The following UBTD2 variants were observed in gnomAD, a reference collection of about 807,000 sequenced individuals.
UBTD2 encodes the protein ubiquitin domain containing 2, also known as ubiquitin domain-containing protein 2.
Under a neutral mutation model 19.8 loss-of-function variants are expected in UBTD2, and 9 were observed. The ratio of observed to expected loss-of-function variants is 0.46; its 90% CI spans 0.27 to 0.79. UBTD2 has a LOEUF of 0.79. UBTD2 is among the 30% of genes least tolerant of loss of function. The pLI is 0.14. For missense variants in UBTD2, 250 were observed against 300.4 expected (o/e 0.83, Z 1.24); for synonymous variants, 98 against 103.9 (o/e 0.94, Z 0.35).
chr5:172,221,771 T>A (rs1396878633), intron 2 of UBTD2, among the ~76,000 whole-genome samples: 1 of 152,190 alleles, frequency 6.6e-6, no homozygotes, highest in Non-Finnish European at 1.5e-5. Context: ...ATACTATTAA[T>A]GATGGATACA....
intron 1 of UBTD2, among the ~76,000 whole-genome samples, chr5:172,277,329 G>A (rs189024777): frequency 6.1e-4 from 93 of 152,188 alleles, no homozygotes; most frequent in Non-Finnish European, 6.6e-4. Flanking sequence ...GTATACATCA[G>A]TGAAAGGTTA....
chr5:172,234,051 C>T (rs764845321), intron 2 of UBTD2, 71 bp downstream of exon 2: 1 of 1,480,432 alleles, frequency 6.8e-7, no homozygotes, highest in Non-Finnish European at 9.4e-7. Context: ...AAACACTCTC[C>T]CATTTGGTTT....
intron 1 of UBTD2, among the ~76,000 whole-genome samples, chr5:172,258,405 T>C (rs927206279): frequency 2.0e-5 from 3 of 152,232 alleles, no homozygotes; most frequent in African/African-American, 4.8e-5. Flanking sequence ...TGAAGTATAG[T>C]TGAGGTCAGG....
At chr5:172,276,071 T>C (rs1386351358) in intron 1 of UBTD2, among the ~76,000 whole-genome samples, 1 of 152,170 alleles carries the variant, frequency 6.6e-6, no homozygotes, top group Non-Finnish European at 1.5e-5. Context: ...TTGAGAATCT[T>C]GTGAAAATGC....
upstream of UBTD2, chr5:172,283,766 G>A (rs1403777552): frequency 4.8e-6 from 4 of 839,828 alleles, no homozygotes; most frequent in African/African-American, 7.3e-5. This position sits in a 1 kb window ranked among gnomAD's most constrained non-coding sequence, Gnocchi z 4.3. Flanking sequence ...GCTCCGGACA[G>A]GCGCGCCGCT....
chr5:172,261,063 C>G (rs1755259310), intron 1 of UBTD2, among the ~76,000 whole-genome samples: 1 of 152,178 alleles, frequency 6.6e-6, no homozygotes, highest in Non-Finnish European at 1.5e-5. Flanking sequence ...GGGTGACTAT[C>G]AGAAAACGTA....
intron 1 of UBTD2, among the ~76,000 whole-genome samples, chr5:172,260,988 C>T (rs559225619): frequency 4.7e-4 from 72 of 152,304 alleles, no homozygotes; most frequent in African/African-American, 1.6e-3. Flanking sequence ...TGATCAAAGC[C>T]TTAAAAGCTC....
intron 1 of UBTD2, among the ~76,000 whole-genome samples, chr5:172,238,338 C>G (rs991523236): frequency 6.6e-6 from 1 of 152,164 alleles, no homozygotes; most frequent in African/African-American, 2.4e-5. Flanking sequence ...GCTTCTCTAT[C>G]CTTAAACTGC....
Position 172,283,732 on chromosome 5 carries a change from A to T in UBTD2, c.-67T>A. ...CCGGGCCCGCCGCCGCCGCCGCTGC[A>T]GCCTCCTCCGGCGCCACCGCCGAGC... On this transcript the variant is annotated 5_prime_UTR_variant, in exon 1 of 3. Transcript: ENST00000393792. This position sits in a 1 kb window ranked among gnomAD's most constrained non-coding sequence, Gnocchi z 4.3. 1 of 1,127,202 alleles carries T rather than the reference A, an allele frequency of 8.9e-7. No homozygotes were observed. The highest frequency in any genetic ancestry group is 1.1e-6 in the Non-Finnish European group (1 of 908,268). 69.8% of individuals were successfully genotyped at this position (1,127,202 alleles called of 1,614,324 possible).
chr5:172,245,846 AAAG>A (rs1754869458), intron 1 of UBTD2, among the ~76,000 whole-genome samples: 1 of 152,240 alleles, frequency 6.6e-6, no homozygotes, highest in Admixed American at 6.5e-5. Context: ...ACTAGCAACA[AAAG>A]GAGAGGCAGA....
chr5:172,227,796 T>G (rs1771801389), intron 2 of UBTD2, among the ~76,000 whole-genome samples: 1 of 141,374 alleles, frequency 7.1e-6, no homozygotes, highest in African/African-American at 2.6e-5. Context: ...TTCTCCTGCC[T>G]CAGCCTCCCG....
intron 1 of UBTD2, among the ~76,000 whole-genome samples, chr5:172,280,530 C>T (rs6882051): frequency 1.7e-5 from 2 of 117,128 alleles, no homozygotes. Context: ...AAAAAAAAAA[C>T]CAGCCTAACT....
At chr5:172,249,401 GAAAAAAAAAAA>G (rs756803780) in intron 1 of UBTD2, among the ~76,000 whole-genome samples, 12 of 63,306 alleles carry the variant, frequency 1.9e-4, no homozygotes, top group African/African-American at 7.1e-4. Flanking sequence ...TCCGTCTCAT[GAAAAAAAAAAA>G]AAAAAAAAAA....
At chr5:172,273,084 CA>C (rs35488668) in intron 1 of UBTD2, among the ~76,000 whole-genome samples, 16 of 105,892 alleles carry the variant, frequency 1.5e-4, no homozygotes, top group Admixed American at 1.0e-4. Context: ...CTCTCCGTCT[CA>C]AAAAAAAAAA....
intron 1 of UBTD2, among the ~76,000 whole-genome samples, chr5:172,248,938 G>A (rs1054804103): frequency 2.1e-5 from 3 of 143,188 alleles, no homozygotes; most frequent in Non-Finnish European, 4.5e-5. Context: ...GGCCTGTCTT[G>A]GGGGGGAAGA....
At chr5:172,270,350 A>ATTTTTTTTTTTT (rs758440849) in intron 1 of UBTD2, among the ~76,000 whole-genome samples, 1 of 98,752 alleles carries the variant, frequency 1.0e-5, no homozygotes, top group Non-Finnish European at 1.9e-5. Context: ...GAATTTTAGA[A>ATTTTTTTTTTTT]TTTTTTTTTT....
At chr5:172,279,325 T>C (rs536474065) in intron 1 of UBTD2, among the ~76,000 whole-genome samples, 2 of 152,224 alleles carry the variant, frequency 1.3e-5, no homozygotes, top group Non-Finnish European at 2.9e-5. Flanking sequence ...AGAGATACTA[T>C]CCACCTCATA....
intron 1 of UBTD2, among the ~76,000 whole-genome samples, chr5:172,271,460 T>C (rs1171719447): frequency 6.6e-6 from 1 of 151,610 alleles, no homozygotes; most frequent in Non-Finnish European, 1.5e-5. Flanking sequence ...GACCAACTTC[T>C]TGTATCACTG....
At chr5:172,265,767 G>C (rs1479535081) in intron 1 of UBTD2, among the ~76,000 whole-genome samples, 2 of 152,122 alleles carry the variant, frequency 1.3e-5, no homozygotes, top group Admixed American at 6.5e-5. Flanking sequence ...ATATAGTAAA[G>C]AACAAATCAG....
Sources: allele counts gnomAD v4.1 joint callset (sites outside exome capture counted in the v4.1 genomes callset), GRCh38; gene constraint gnomAD v4.1.1; non-coding constraint Gnocchi (gnomAD v3.1); transcripts MANE v1.5; gene names NCBI Gene and HGNC (gene_info 2026-07-23, HGNC 2026-07-21).